The following DNAJC12 variants were observed in gnomAD, a reference collection of about 807,000 sequenced individuals.
DNAJC12 encodes the protein DnaJ heat shock protein family (Hsp40) member C12.
Under a neutral mutation model 28.5 loss-of-function variants are expected in DNAJC12, and 25 were observed. The ratio of observed to expected loss-of-function variants is 0.88; its 90% CI spans 0.64 to 1.22. DNAJC12 has a LOEUF of 1.22. Ranked by LOEUF, DNAJC12 falls within the 50% of genes most tolerant of loss-of-function variation. The probability of loss-of-function intolerance (pLI) is 0.00; values close to 1 mark genes in which losing one functional copy is unlikely to be tolerated. For missense variants in DNAJC12, 222 were observed against 231.7 expected (o/e 0.96, Z 0.27); for synonymous variants, 77 against 80.6 (o/e 0.95, Z 0.24).
intron 1 of DNAJC12, among the ~76,000 whole-genome samples, chr10:67,826,612 ATATATAT>A: frequency 7.5e-6 from 1 of 132,812 alleles, no homozygotes; most frequent in South Asian, 2.2e-4. Flanking sequence ...ATATCTAATG[ATATATAT>A]TATATATATC....
chr10:67,819,816 G>GGAAT (rs1554884864), intron 2 of DNAJC12, among the ~76,000 whole-genome samples: 7 of 147,910 alleles, frequency 4.7e-5, no homozygotes, highest in African/African-American at 1.6e-4. Flanking sequence ...AAGGAAGGAA[G>GGAAT]GAATGTTTAT....
Position 67,811,593 on chromosome 10 carries a change from G to A in DNAJC12, c.228C>T (p.Asp76=), listed in dbSNP as rs1209110325. The A allele has an allele frequency of 2.5e-6, 4 of 1,614,172 alleles. No individual in the cohort carries two copies. The South Asian group carries it at 4.4e-5, about 18-fold the overall frequency. ...LTNEESRARY[D]HWRRSQMSMP... Reference sequence around the variant, plus strand: ...TCGACATCTGGCTCCTTCGCCAGTGGTCATAGCGGGCTCGACTCTCTTCAT... The same window carrying A: ...TCGACATCTGGCTCCTTCGCCAGTGATCATAGCGGGCTCGACTCTCTTCAT... Residue 76 remains aspartate (D), a synonymous_variant, in exon 3 of 5, where the codon GAC becomes GAT. Transcript: ENST00000225171.
chr10:67,811,814 T>G, intron 2 of DNAJC12, 151 bp from the exon 3 acceptor site: 1 of 1,405,508 alleles, frequency 7.1e-7, no homozygotes, highest in Middle Eastern at 1.8e-4. Flanking sequence ...TTGTAAAGGG[T>G]ATCATAAGGA....
intron 1 of DNAJC12, among the ~76,000 whole-genome samples, chr10:67,828,252 T>C (rs1486041082): frequency 6.6e-6 from 1 of 152,136 alleles, no homozygotes; most frequent in African/African-American, 2.4e-5. Context: ...TTGAAAAAAA[T>C]TGAGACATAT....
chr10:67,798,733 G>A (rs1841705902), intron 4 of DNAJC12, among the ~76,000 whole-genome samples: 1 of 147,000 alleles, frequency 6.8e-6, no homozygotes, highest in Non-Finnish European at 1.5e-5. Context: ...TTTATCCCTG[G>A]ATTGTTACAA....
intron 4 of DNAJC12, among the ~76,000 whole-genome samples, chr10:67,801,354 T>C: frequency 6.6e-6 from 1 of 152,218 alleles, no homozygotes; most frequent in East Asian, 1.9e-4. Context: ...TAAATAATCA[T>C]GCAACAGCAC....
chr10:67,815,508 C>CAA (rs762037586), intron 2 of DNAJC12, among the ~76,000 whole-genome samples: 1,409 of 65,596 alleles, frequency 0.021, 62 homozygotes, highest in African/African-American at 0.063. Flanking sequence ...TACTTCGTCT[C>CAA]AAAAAAAAAA....
chr10:67,816,721 A>G (rs2131801653), intron 2 of DNAJC12, among the ~76,000 whole-genome samples: 1 of 152,024 alleles, frequency 6.6e-6, no homozygotes, highest in Non-Finnish European at 1.5e-5. Flanking sequence ...AATTTTTTGT[A>G]CTTTTAGTAG....
At chr10:67,826,899 A>G (rs1240834307) in intron 1 of DNAJC12, among the ~76,000 whole-genome samples, 3 of 139,380 alleles carry the variant, frequency 2.2e-5, no homozygotes, top group Non-Finnish European at 4.6e-5. Flanking sequence ...TATCTATTAT[A>G]TGTCATTATA....
chr10:67,824,423 T>G (rs1842010473), intron 1 of DNAJC12, among the ~76,000 whole-genome samples: 1 of 151,964 alleles, frequency 6.6e-6, no homozygotes, highest in African/African-American at 2.4e-5. Context: ...CTTTTGGTCT[T>G]TTTCTTTTAT....
Position 67,838,161 on chromosome 10 carries a change from G to A in DNAJC12, c.-150C>T. 1 of 564,162 alleles carries A rather than the reference G, an allele frequency of 1.8e-6. No individual in the cohort carries two copies. The highest frequency in any genetic ancestry group is 3.1e-6 in the Non-Finnish European group (1 of 320,700). The allele number at this position is 564,162 out of a possible 1,614,324, so 34.9% of individuals were successfully genotyped here. ...AAGACTGGCCACAGTCAATACACCA[G>A]ATGTCATCCTAGACCTTTGTAAACT... On this transcript the variant is annotated 5_prime_UTR_variant, in exon 1 of 5. Transcript: ENST00000225171.
rs1036386534 is a variant in DNAJC12 at position 67,823,309 on chromosome 10, C to T, written c.157+5G>A. 1.2e-6 allele frequency: 2 copies of T among 1,613,418 alleles called. No individual in the cohort carries two copies. Among genetic ancestry groups the T allele is most frequent in the African/African-American group, 2.7e-5 (2 of 74,874 alleles). On this transcript the variant is annotated splice_donor_5th_base_variant and intron_variant, in intron 2 of 4. Transcript: ENST00000225171. ...CTTGAGAAGTAGCCTTTATTAAGTT[C>T]TTACCAGCTTTGGGGTTTTCAGGAT...
At chr10:67,808,663 G>A (rs1030738105) in intron 3 of DNAJC12, 2 of 152,018 alleles carry the variant, frequency 1.3e-5, no homozygotes, top group African/African-American at 2.4e-5. Flanking sequence ...TTACATGCCA[G>A]TAAACATTGG....
intron 4 of DNAJC12, among the ~76,000 whole-genome samples, chr10:67,799,236 G>A (rs1425343520): frequency 6.6e-6 from 1 of 151,988 alleles, no homozygotes; most frequent in Non-Finnish European, 1.5e-5. Context: ...ATATAAATAT[G>A]TAGTCAGAAA....
intron 1 of DNAJC12, chr10:67,827,480 A>G (rs1478657585): frequency 6.6e-6 from 1 of 152,110 alleles, no homozygotes; most frequent in Admixed American, 6.6e-5. Context: ...TGAGGTCAGG[A>G]GTTAAGAGAC....
Position 67,797,168 on chromosome 10 carries a change from G to A in DNAJC12, c.545C>T (p.Ser182Phe), listed in dbSNP as rs1841681722. 1.2e-6 allele frequency: 2 copies of A among 1,613,716 alleles called. No homozygotes were observed. Among genetic ancestry groups the A allele is most frequent in the Non-Finnish European group, 1.7e-6 (2 of 1,179,836 alleles). ...VNGWHLRFRWSKDAPSELLRK... is the reference protein window; with the variant it reads ...VNGWHLRFRWFKDAPSELLRK... ...CAGGAGTTCTGAGGGAGCATCCTTG[G>A]ACCAGCGGAAACGAAGGTGCCAACC... is the stretch of plus-strand genomic sequence containing the variant. The change falls in exon 5 of 5, where the codon TCC becomes TTC. Residue 182 changes from serine to phenylalanine, a missense_variant. By Grantham distance (155) the Ser-to-Phe change is radical. Coordinates refer to ENST00000225171, the MANE Select transcript of DNAJC12 (RefSeq NM_021800.3).
In DNAJC12 at chr10:67,834,149, T is replaced by C. The variant is rs1385163468; in HGVS notation, c.78+3785A>G. On this transcript the variant is annotated intron_variant, in intron 1 of 4. Coordinates refer to ENST00000225171, the MANE Select transcript of DNAJC12 (RefSeq NM_021800.3). ...TATGTATATGAGTACCAAGCTTTTA[T>C]AATAAAATGCCTCAGAGCTATAATT... 5 of 396,128 alleles carry C rather than the reference T, an allele frequency of 1.3e-5. No individual in the cohort carries two copies. In the East Asian group the frequency reaches 3.7e-4, roughly 29 times the overall value. The allele number at this position is 396,128 out of a possible 1,614,324, so 24.5% of individuals were successfully genotyped here. A position where few individuals can be genotyped will look rare whatever the true frequency, so the allele number is the denominator to read the frequency against.
intron 1 of DNAJC12, among the ~76,000 whole-genome samples, chr10:67,835,175 G>A (rs914272871): frequency 2.0e-5 from 3 of 152,156 alleles, no homozygotes; most frequent in African/African-American, 7.2e-5. Flanking sequence ...TTATGTGGGT[G>A]TCTCAATTCA....
intron 2 of DNAJC12, among the ~76,000 whole-genome samples, chr10:67,819,684 AAG>A (rs1258021229): frequency 7.3e-4 from 8 of 10,926 alleles, no homozygotes; most frequent in African/African-American, 2.4e-3. Flanking sequence ...GAAAGAAAGA[AAG>A]AAAGAAAGAA....
Sources: gnomAD v4.1 joint callset for allele counts (sites outside exome capture counted in the v4.1 genomes callset) on GRCh38, gnomAD v4.1.1 for gene constraint, MANE v1.5 for transcripts, NCBI Gene and HGNC (gene_info 2026-07-23, HGNC 2026-07-21) for gene names.